The following ROCK1 variants were observed in gnomAD, a reference collection of about 807,000 sequenced individuals.
The protein encoded by ROCK1 is Rho associated coiled-coil containing protein kinase 1, also known as rho-associated protein kinase 1.
A neutral mutation model predicts 196.8 loss-of-function variants in ROCK1; 36 were observed. That is an observed-to-expected ratio of 0.18 (90% CI 0.14 to 0.24). The LOEUF (loss-of-function observed/expected upper bound fraction) is 0.24, where lower values mean the gene tolerates loss of function less well. Among genes scored for constraint, ROCK1 ranks in the 10% least tolerant of loss-of-function variants. ROCK1 has a pLI of 1.00. For missense variants in ROCK1, 920 were observed against 1,562.0 expected (o/e 0.59, Z 6.93); for synonymous variants, 443 against 515.9 (o/e 0.86, Z 1.91).
chr18:21,009,320 GTT>G (rs1254074734), intron 13 of ROCK1, among the ~76,000 whole-genome samples: 5 of 140,940 alleles, frequency 3.5e-5, no homozygotes, highest in Non-Finnish European at 3.1e-5. Flanking sequence ...GCCAAGACAG[GTT>G]TTTTTTTTTT....
At chr18:21,012,044 C>T (rs752852464) in intron 13 of ROCK1, among the ~76,000 whole-genome samples, 1 of 152,156 alleles carries the variant, frequency 6.6e-6, no homozygotes, top group Non-Finnish European at 1.5e-5. Context: ...CAGGTTCAAG[C>T]AGTTCTCTAG....
chr18:21,039,589 TAATC>T, intron 8 of ROCK1, 26 bp from the exon 9 acceptor site: 3 of 1,489,678 alleles, frequency 2.0e-6, no homozygotes, highest in Non-Finnish European at 2.8e-6. Context: ...AGGAGAAAAG[TAATC>T]AATCATTTAA....
rs141073350 is a variant in ROCK1 at position 21,018,008 on chromosome 18, A to G, written c.1361+2143T>C. Among the ~76,000 whole-genome samples, 82 of 152,074 alleles carry G rather than the reference A, an allele frequency of 5.4e-4. 2 individuals are homozygous for G. In the East Asian group the frequency reaches 0.015, roughly 28 times the overall value. ...AAAACAAAAAAAAAATAAATAAAAT[A>G]AAGAAATGCAAGTAAATATCACTCC... On this transcript the variant is annotated intron_variant, in intron 12 of 32. Transcript: ENST00000399799.
chr18:21,023,705 G>T (rs776975946), intron 10 of ROCK1, 25 bp from the exon 11 acceptor site: 1 of 1,415,752 alleles, frequency 7.1e-7, no homozygotes, highest in South Asian at 1.3e-5. Context: ...AGTTTAAAAA[G>T]AAAAGAAAAC....
chr18:21,071,594 T>C (rs554241691), intron 1 of ROCK1, among the ~76,000 whole-genome samples: 66 of 152,338 alleles, frequency 4.3e-4, no homozygotes, highest in Admixed American at 8.5e-4. Context: ...TCCTGCTGCA[T>C]GGCAGGAACT....
chr18:21,097,887 G>C lies in ROCK1; in HGVS notation c.93+12931C>G, dbSNP rs560062309. ...GCTAATAAGTGGTCGACCTGGGTGG[G>C]AGTGAAAAATCCCAGTCTGACTCCA... is the stretch of plus-strand genomic sequence containing the variant. On this transcript the variant is annotated intron_variant, in intron 1 of 32. Transcript: ENST00000399799. Among the ~76,000 whole-genome samples, 143 of 152,328 alleles carry C rather than the reference G, an allele frequency of 9.4e-4. 1 individual carries two copies. Among genetic ancestry groups the C allele is most frequent in the African/African-American group, 3.2e-3 (135 of 41,576 alleles).
intron 27 of ROCK1, among the ~76,000 whole-genome samples, chr18:20,965,877 C>T (rs1244616314): frequency 6.6e-6 from 1 of 152,126 alleles, no homozygotes. Context: ...GATCACATAG[C>T]ATACAGAGAG....
At chr18:21,002,025 AT>A (rs2035729594) in intron 16 of ROCK1, among the ~76,000 whole-genome samples, 1 of 152,162 alleles carries the variant, frequency 6.6e-6, no homozygotes. Context: ...CAGAAAAAAA[AT>A]CATTAAAAGT....
At chr18:21,033,990 A>C in intron 9 of ROCK1, among the ~76,000 whole-genome samples, 1 of 146,244 alleles carries the variant, frequency 6.8e-6, no homozygotes, top group African/African-American at 2.5e-5. Flanking sequence ...GCCGAGATCG[A>C]GCCACTGTAC....
At chr18:21,023,170 G>C (rs1354995608) in intron 11 of ROCK1, among the ~76,000 whole-genome samples, 1 of 152,086 alleles carries the variant, frequency 6.6e-6, no homozygotes, top group Admixed American at 6.6e-5. Flanking sequence ...ATGGATGGCA[G>C]TGATGGCTGC....
intron 9 of ROCK1, 128 bp downstream of exon 9, chr18:21,039,344 T>A (rs1335770800): frequency 4.5e-6 from 3 of 663,404 alleles, no homozygotes; most frequent in Admixed American, 2.8e-5. Context: ...TTAGGACAAT[T>A]CCCATATAGT....
intron 2 of ROCK1, among the ~76,000 whole-genome samples, chr18:21,053,278 C>CT (rs529133107): frequency 0.019 from 2,679 of 142,258 alleles, 35 homozygotes; most frequent in South Asian, 0.049. Context: ...ATTGCAGCCT[C>CT]TTTTTTTTTT....
intron 1 of ROCK1, among the ~76,000 whole-genome samples, chr18:21,105,561 G>A (rs1274979948): frequency 4.6e-5 from 7 of 152,132 alleles, no homozygotes; most frequent in Non-Finnish European, 7.3e-5. Context: ...ATCCAGATTC[G>A]AAAATGCTAC....
chr18:21,111,005 G>T lies in ROCK1; in HGVS notation c.-95C>A. ...CGCGGTGGGTTCGCAGCCGCGGGGC[G>T]GAGGAGCCGGAACCTCAGGGTCACC... On this transcript the variant is annotated 5_prime_UTR_variant, in exon 1 of 33. Coordinates refer to ENST00000399799, the MANE Select transcript of ROCK1 (RefSeq NM_005406.3). This position sits in a 1 kb window ranked among gnomAD's most constrained non-coding sequence, Gnocchi z 4.2. 1.0e-6 allele frequency: 1 copy of T among 997,424 alleles called. No homozygotes were observed. The highest frequency in any genetic ancestry group is 1.6e-6 in the Non-Finnish European group (1 of 642,230). 61.8% of individuals were successfully genotyped at this position (997,424 alleles called of 1,614,324 possible). A position where few individuals can be genotyped will look rare whatever the true frequency, so the allele number is the denominator to read the frequency against.
At chr18:21,067,158 A>G (rs1598550326) in intron 2 of ROCK1, among the ~76,000 whole-genome samples, 2 of 152,142 alleles carry the variant, frequency 1.3e-5, no homozygotes, top group South Asian at 4.1e-4. Context: ...ATAATTTGCA[A>G]CTTCCTAATG....
chr18:20,971,551 C>T (rs2035428482), intron 22 of ROCK1, among the ~76,000 whole-genome samples: 1 of 151,664 alleles, frequency 6.6e-6, no homozygotes, highest in Non-Finnish European at 1.5e-5. Flanking sequence ...AGTCTGCCAA[C>T]GTAGTGGAAC....
chr18:21,072,133 T>C (rs925116494), intron 1 of ROCK1, among the ~76,000 whole-genome samples: 7 of 152,208 alleles, frequency 4.6e-5, no homozygotes, highest in African/African-American at 1.7e-4. Flanking sequence ...AAAGTACTTT[T>C]GTTGTTGTTA....
At chr18:20,955,987 CTT>C (rs1350396112) in intron 29 of ROCK1, among the ~76,000 whole-genome samples, 1 of 152,170 alleles carries the variant, frequency 6.6e-6, no homozygotes, top group African/African-American at 2.4e-5. Flanking sequence ...CACAGGGACA[CTT>C]GTGATGGAAT....
At chr18:20,998,928 T>C (rs992679992) in intron 16 of ROCK1, among the ~76,000 whole-genome samples, 23 of 152,118 alleles carry the variant, frequency 1.5e-4, no homozygotes, top group African/African-American at 5.3e-4. Context: ...CATTTAAAGA[T>C]GAACAAATAA....
Sources: allele counts gnomAD v4.1 joint callset (sites outside exome capture counted in the v4.1 genomes callset), GRCh38; gene constraint gnomAD v4.1.1; non-coding constraint Gnocchi (gnomAD v3.1); transcripts MANE v1.5; gene names NCBI Gene and HGNC (gene_info 2026-07-23, HGNC 2026-07-21).